Variants in KATNIP observed in about 807,000 individuals in gnomAD.
KATNIP encodes the protein katanin interacting protein.
Under a neutral mutation model 174.0 loss-of-function variants are expected in KATNIP, and 126 were observed. The ratio of observed to expected loss-of-function variants is 0.72; its 90% confidence interval spans 0.63 to 0.84. The LOEUF is 0.84. Ranked by LOEUF, KATNIP falls within the 40% of genes least tolerant of loss-of-function variation. The probability of loss-of-function intolerance (pLI) is 0.00; values close to 1 mark genes in which losing one functional copy is unlikely to be tolerated. For synonymous variants in KATNIP, 810 were observed against 835.7 expected, an observed-to-expected ratio of 0.97 and a Z score of 0.53; for missense variants, 1,958 against 2,109.7, an observed-to-expected ratio of 0.93 and a Z score of 1.41.
intron 1 of KATNIP, among the ~76,000 whole-genome samples, chr16:27,571,749 T>G (rs1430318919): frequency 6.6e-6 from 1 of 152,248 alleles, no homozygotes; most frequent in Non-Finnish European, 1.5e-5. Flanking sequence ...ACCCGCTTTG[T>G]GCCTAGCAGC....
chr16:27,727,245 G>A, intron 14 of KATNIP: 1 of 228,708 alleles, frequency 4.4e-6, no homozygotes, highest in Non-Finnish European at 9.6e-6. Context: ...CTGGAGTGCA[G>A]TGGCGTGATC....
At chr16:27,641,250 G>A (rs1293495282) in intron 5 of KATNIP, among the ~76,000 whole-genome samples, 1 of 152,042 alleles carries the variant, frequency 6.6e-6, no homozygotes, top group East Asian at 1.9e-4. Context: ...CCGATTCTTG[G>A]TTATCTTAAG....
At chr16:27,559,576 C>T (rs1432805515) in intron 1 of KATNIP, among the ~76,000 whole-genome samples, 2 of 151,236 alleles carry the variant, frequency 1.3e-5, no homozygotes, top group African/African-American at 2.4e-5. Context: ...TTCAGCTACT[C>T]GGGAGGCTGA....
intron 8 of KATNIP, among the ~76,000 whole-genome samples, chr16:27,682,258 C>A (rs561500250): frequency 1.3e-4 from 20 of 152,332 alleles, no homozygotes; most frequent in Admixed American, 1.0e-3. Flanking sequence ...CTTAGGATGA[C>A]CCAGCCACTA....
intron 1 of KATNIP, among the ~76,000 whole-genome samples, chr16:27,550,471 G>A (rs2089302421): frequency 1.3e-5 from 2 of 152,108 alleles, no homozygotes; most frequent in Non-Finnish European, 2.9e-5. Context: ...GTCTGAGGAG[G>A]GTCTTGTGAA....
rs191944790 is a variant in KATNIP at position 27,576,660 on chromosome 16, A to C, written c.63+2704A>C. On this transcript the variant is annotated intron_variant, in intron 2 of 27. Transcript: ENST00000261588. Reference sequence around the variant, plus strand: ...AAAAAACAAACAAAACAAAACAAAAAAAAACAGCAAGCTGCCAGGACTCTC... The same window carrying C: ...AAAAAACAAACAAAACAAAACAAAACAAAACAGCAAGCTGCCAGGACTCTC... 5.5e-3 allele frequency among the ~76,000 whole-genome samples: 835 copies of C among 151,996 alleles called. 13 individuals are homozygous for C. The highest frequency in any genetic ancestry group is 0.019 in the African/African-American group (795 of 41,486).
intron 2 of KATNIP, among the ~76,000 whole-genome samples, chr16:27,579,459 C>A (rs1007034824): frequency 1.3e-5 from 2 of 152,198 alleles, no homozygotes; most frequent in East Asian, 3.9e-4. Context: ...GCTGGGCACA[C>A]CATAAGTGTT....
chr16:27,756,679 TC>T (rs1231084782), intron 18 of KATNIP, among the ~76,000 whole-genome samples: 1 of 152,048 alleles, frequency 6.6e-6, no homozygotes, highest in Non-Finnish European at 1.5e-5. Flanking sequence ...AATTTGGTTC[TC>T]CCCTAAGTTG....
chr16:27,708,855 G>A lies in KATNIP; in HGVS notation c.1540G>A (p.Asp514Asn), dbSNP rs200936295. 8.7e-6 allele frequency: 14 copies of A among 1,614,020 alleles called. No homozygotes were observed. Among genetic ancestry groups the A allele is most frequent in the East Asian group, 2.2e-5 (1 of 44,876 alleles). Residue 514 changes from aspartate to asparagine, a missense_variant, in exon 13 of 28, where the codon GAT (aspartate) becomes AAT (asparagine). By Grantham distance (23) the Asp-to-Asn change is conservative (BLOSUM62 1). Coordinates refer to ENST00000261588, the MANE Select transcript of KATNIP (RefSeq NM_015202.5). ...CACAAAGCTTTATGTGTCGCCCCACGATGTGGATATCCGGAACACAGCCAC... is the reference window on the plus strand; with the variant it reads ...CACAAAGCTTTATGTGTCGCCCCACAATGTGGATATCCGGAACACAGCCAC... The part of the protein sequence containing the change: ...NDTKLYVSPH[D>N]VDIRNTATPG...
chr16:27,602,518 A>G (rs922406195), intron 2 of KATNIP, among the ~76,000 whole-genome samples: 1 of 152,194 alleles, frequency 6.6e-6, no homozygotes, highest in African/African-American at 2.4e-5. Flanking sequence ...AATACCTTGT[A>G]ACTGCCCAAC....
chr16:27,610,583 G>T (rs192195051), intron 2 of KATNIP, among the ~76,000 whole-genome samples: 1 of 152,130 alleles, frequency 6.6e-6, no homozygotes, highest in East Asian at 1.9e-4. Context: ...ACAGTGTGTG[G>T]TTGCTTGACT....
intron 11 of KATNIP, among the ~76,000 whole-genome samples, chr16:27,702,538 G>C (rs991865245): frequency 3.3e-5 from 5 of 152,226 alleles, no homozygotes; most frequent in Admixed American, 3.3e-4. Context: ...CTGCACAGCT[G>C]TGCATGTTGT....
intron 9 of KATNIP, 70 bp downstream of exon 9, chr16:27,698,570 GA>G: frequency 6.9e-7 from 1 of 1,453,968 alleles, no homozygotes; most frequent in African/African-American, 1.4e-5. Flanking sequence ...CTGCAGTTGA[GA>G]AGAGCAAGTG....
chr16:27,778,033 C>A, intron 27 of KATNIP, 64 bp downstream of exon 27: 3 of 1,481,148 alleles, frequency 2.0e-6, no homozygotes, highest in Non-Finnish European at 2.8e-6. Context: ...ATAGAAGGAG[C>A]TGGTGGCCTT....
chr16:27,740,077 G>A lies in KATNIP; in HGVS notation c.1780G>A (p.Val594Ile), dbSNP rs768434631. 49 of 1,613,654 alleles carry A rather than the reference G, an allele frequency of 3.0e-5. No individual in the cohort carries two copies. Among genetic ancestry groups the A allele is most frequent in the Non-Finnish European group, 3.8e-5 (45 of 1,179,840 alleles). Residue 594 changes from valine (V) to isoleucine (I), a missense_variant, in exon 15 of 28, where the codon GTC (valine) becomes ATC (isoleucine). Physicochemically the swap from Val to Ile is conservative, Grantham distance 29 (BLOSUM62 3). This residue lies in a region of KATNIP where 1,557 missense variants were observed against 1,617.8 expected (regional missense o/e 0.96). Coordinates refer to ENST00000261588, the MANE Select transcript of KATNIP (RefSeq NM_015202.5). ...TGGTGCCAAGAACGTGAAGCTTTACGTCAACAGAAACCTCATCTTCAATGG... is the reference window on the plus strand; with the variant it reads ...TGGTGCCAAGAACGTGAAGCTTTACATCAACAGAAACCTCATCTTCAATGG... ...DIGAKNVKLY[V>I]NRNLIFNGKL...
At chr16:27,648,110 C>T (rs1464296918) in intron 5 of KATNIP, among the ~76,000 whole-genome samples, 10 of 152,050 alleles carry the variant, frequency 6.6e-5, no homozygotes, top group South Asian at 2.1e-4. Flanking sequence ...GCCTGGCCAA[C>T]GTGGCAAAAC....
At position 27,681,432 on chromosome 16, in the gene KATNIP, G is replaced by T. The variant is rs200897168; in HGVS notation, c.842G>T (p.Arg281Leu). ...HKRERNLSAK[R>L]KDNAEVFVPT... ...AGGGAAAGGAATTTGTCTGCAAAGC[G>T]GAAGGACAATGCTGAGGTTTTCGTT... Residue 281 changes from arginine to leucine, a missense_variant, in exon 8 of 28, where the codon CGG becomes CTG. By Grantham distance (102) the Arg-to-Leu change is moderately radical (BLOSUM62 -2). Around this residue, in one of 3 missense-constraint regions of KATNIP, gnomAD observed 1,557 missense variants for 1,617.8 expected, o/e 0.96. Transcript: ENST00000261588. 2.5e-6 allele frequency: 4 copies of T among 1,614,214 alleles called. No individual in the cohort carries two copies. Among genetic ancestry groups the T allele is most frequent in the Admixed American group, 1.7e-5 (1 of 60,032 alleles).
intron 11 of KATNIP, among the ~76,000 whole-genome samples, chr16:27,701,992 A>G (rs1406655825): frequency 3.3e-5 from 5 of 152,040 alleles, no homozygotes; most frequent in African/African-American, 1.2e-4. Context: ...GGGTCTCACA[A>G]CGTTGCCCAG....
chr16:27,762,465 G>T (rs961918145), intron 19 of KATNIP, among the ~76,000 whole-genome samples: 3 of 152,168 alleles, frequency 2.0e-5, no homozygotes, highest in Non-Finnish European at 1.5e-5. Context: ...CCGATGTGGA[G>T]ACTGAAATAT....
Sources: allele counts gnomAD v4.1 joint callset (sites outside exome capture counted in the v4.1 genomes callset), GRCh38; gene constraint gnomAD v4.1.1; regional missense constraint gnomAD v4.1.1; transcripts MANE v1.5; gene names NCBI Gene and HGNC (gene_info 2026-07-23, HGNC 2026-07-21).